AGAP1: variants seen among roughly 807,000 people sequenced by gnomAD.
AGAP1 encodes the protein arf-GAP with GTPase, ANK repeat and PH domain-containing protein 1.
AGAP1 carries 29 observed loss-of-function variants against 105.3 expected under a neutral mutation model. The ratio of observed to expected loss-of-function variants is 0.28; its 90% CI spans 0.21 to 0.38. The LOEUF (loss-of-function observed/expected upper bound fraction) is 0.38. Ranked by LOEUF, AGAP1 falls within the 10% of genes least tolerant of loss-of-function variation. AGAP1 has a pLI of 1.00. For missense variants in AGAP1, 998 were observed against 1,165.1 expected, an observed-to-expected ratio of 0.86 and a Z score of 2.09; for synonymous variants, 509 against 485.9, an observed-to-expected ratio of 1.05 and a Z score of -0.63.
intron 1 of AGAP1, among the ~76,000 whole-genome samples, chr2:235,654,671 C>T (rs1428963872): frequency 6.6e-6 from 1 of 152,122 alleles, no homozygotes; most frequent in Non-Finnish European, 1.5e-5. Context: ...GTGGTCCCCC[C>T]GGCCACTTCT....
rs1354571476 is a variant in AGAP1, at chr2:235,720,504, A to T, written c.310+2860A>T. 1.3e-5 allele frequency among the ~76,000 whole-genome samples: 2 copies of T among 151,852 alleles called. No individual in the cohort carries two copies. The highest frequency in any genetic ancestry group is 2.9e-5 in the Non-Finnish European group (2 of 67,974). On this transcript the variant is annotated intron_variant, in intron 3 of 17. Coordinates refer to ENST00000304032, the MANE Select transcript of AGAP1 (RefSeq NM_001037131.3). The surrounding 1 kb of genome is among the most constrained non-coding windows in gnomAD (Gnocchi z 5.0). ...GGTTGGCGCCCGGTTGAGGGATTGG[A>T]TTTTGAGTGAGCTCTGTGGCCTTCC...
intron 6 of AGAP1, among the ~76,000 whole-genome samples, chr2:235,757,479 G>C (rs1326088248): frequency 6.6e-6 from 1 of 152,162 alleles, no homozygotes; most frequent in Non-Finnish European, 1.5e-5. Context: ...CTGGTGGATG[G>C]GTGTTTATCT....
rs192426107 is a variant in AGAP1 at position 235,849,707 on chromosome 2, G to A, written c.1051-33638G>A. Among the ~76,000 whole-genome samples the A allele has an allele frequency of 1.4e-4, 22 of 152,216 alleles. No individual in the cohort carries two copies. In the East Asian group the frequency reaches 3.5e-3, roughly 24 times the overall value. Reference sequence around the variant, plus strand: ...AGTGTCCAGCCTCACCCAGCCCCTCGCCTGGCCCTTCTCCCTTCCTCATGG... The same window carrying A: ...AGTGTCCAGCCTCACCCAGCCCCTCACCTGGCCCTTCTCCCTTCCTCATGG... On this transcript the variant is annotated intron_variant, in intron 9 of 17. Transcript: ENST00000304032.
chr2:235,510,688 A>G (rs977754835), intron 1 of AGAP1, among the ~76,000 whole-genome samples: 23 of 152,166 alleles, frequency 1.5e-4, no homozygotes, highest in Non-Finnish European at 3.1e-4. Flanking sequence ...TTTGGGCTTA[A>G]GTTCAGCAGG....
chr2:235,667,698 C>T (rs940070600), intron 1 of AGAP1, among the ~76,000 whole-genome samples: 3 of 152,246 alleles, frequency 2.0e-5, no homozygotes, highest in African/African-American at 7.2e-5. Flanking sequence ...TGGTGGCTCA[C>T]GCCTGTAATC....
rs1559256017 is a variant in AGAP1 at position 236,080,567 on chromosome 2, C to T, written c.2114+31286C>T. ...GTATCTTGTACACGTTTCATCCATC[C>T]AGCTTTTAGCCTCTCAATCCTTCTC... On this transcript the variant is annotated intron_variant, in intron 16 of 17. Coordinates refer to ENST00000304032, the MANE Select transcript of AGAP1 (RefSeq NM_001037131.3). This position sits in a 1 kb window ranked among gnomAD's most constrained non-coding sequence, Gnocchi z 4.2. Among the ~76,000 whole-genome samples, 1 of 152,338 alleles carries T rather than the reference C, an allele frequency of 6.6e-6. No homozygotes were observed. The highest frequency in any genetic ancestry group is 1.9e-4 in the East Asian group (1 of 5,190).
chr2:235,844,020 G>A (rs758897546), intron 9 of AGAP1, among the ~76,000 whole-genome samples: 1 of 152,128 alleles, frequency 6.6e-6, no homozygotes, highest in Non-Finnish European at 1.5e-5. Context: ...GAATCTGGCA[G>A]GAGTCCCCAA....
intron 9 of AGAP1, among the ~76,000 whole-genome samples, chr2:235,811,361 C>T (rs2150112469): frequency 6.6e-6 from 1 of 152,316 alleles, no homozygotes; most frequent in East Asian, 1.9e-4. Context: ...GAAAATCATG[C>T]TCAGTTTATC....
At chr2:235,593,544 C>G (rs1408052686) in intron 1 of AGAP1, among the ~76,000 whole-genome samples, 2 of 152,082 alleles carry the variant, frequency 1.3e-5, no homozygotes, top group Non-Finnish European at 2.9e-5. Flanking sequence ...ACAAATGATG[C>G]CTGCCAACTC....
intron 12 of AGAP1, among the ~76,000 whole-genome samples, chr2:235,937,394 T>G (rs2053043552): frequency 6.6e-6 from 1 of 152,326 alleles, no homozygotes; most frequent in South Asian, 2.1e-4. Flanking sequence ...CCAATCAGAA[T>G]GTTGTAACTT....
In AGAP1 at chr2:235,888,358, G is replaced by A. The variant is rs887606733; in HGVS notation, c.1155+4909G>A. Among the ~76,000 whole-genome samples the A allele has an allele frequency of 1.3e-5, 2 of 152,220 alleles. No homozygotes were observed. The highest frequency in any genetic ancestry group is 1.3e-4 in the Admixed American group (2 of 15,290). The stretch of plus-strand genomic sequence containing the variant: ...TAGCTGATGTCAGAGGATTGCCTGT[G>A]TGGGATAGGAGGGTCTAGAAGGCTC... On this transcript the variant is annotated intron_variant, in intron 10 of 17. Coordinates refer to ENST00000304032, the MANE Select transcript of AGAP1 (RefSeq NM_001037131.3). The surrounding 1 kb of genome is among the most constrained non-coding windows in gnomAD (Gnocchi z 4.8).
Position 235,971,163 on chromosome 2 carries a change from A to G in AGAP1, c.1645+2540A>G, listed in dbSNP as rs970549708. Among the ~76,000 whole-genome samples, 1 of 152,220 alleles carries G rather than the reference A, an allele frequency of 6.6e-6. No individual in the cohort carries two copies. Among genetic ancestry groups the G allele is most frequent in the Admixed American group, 6.5e-5 (1 of 15,288 alleles). On this transcript the variant is annotated intron_variant, in intron 13 of 17. Transcript: ENST00000304032. The surrounding 1 kb of genome is among the most constrained non-coding windows in gnomAD (Gnocchi z 4.8). Reference sequence around the variant, plus strand: ...ACATCTTTCCAATAGCAAATAAGTCATAAGTTATTTATAAAAAGAAAATGT... The same window carrying G: ...ACATCTTTCCAATAGCAAATAAGTCGTAAGTTATTTATAAAAAGAAAATGT...
At chr2:235,770,108 C>T (rs3108497) in intron 6 of AGAP1, among the ~76,000 whole-genome samples, 33,093 of 142,146 alleles carry the variant, frequency 0.23, 4,707 homozygotes, top group Admixed American at 0.37. Flanking sequence ...TATATATACA[C>T]ACACATTTTT....
chr2:235,497,944 G>T (rs917637993), intron 1 of AGAP1, among the ~76,000 whole-genome samples: 2 of 152,128 alleles, frequency 1.3e-5, no homozygotes, highest in Non-Finnish European at 2.9e-5. Flanking sequence ...GGTTTCTCTT[G>T]TTGGCACAAA....
chr2:235,694,437 C>T (rs1559360630), intron 1 of AGAP1, among the ~76,000 whole-genome samples: 1 of 149,524 alleles, frequency 6.7e-6, no homozygotes. Flanking sequence ...CGAGATCGCA[C>T]CACTGCACTC....
At position 235,625,245 on chromosome 2, in the gene AGAP1, T is replaced by A. The variant is rs909770702; in HGVS notation, c.164-83934T>A. Among the ~76,000 whole-genome samples the A allele has an allele frequency of 1.3e-5, 2 of 152,176 alleles. No homozygotes were observed. Among genetic ancestry groups the A allele is most frequent in the Non-Finnish European group, 2.9e-5 (2 of 68,038 alleles). ...CAGTCCCCTCTGCACATGCCTGAACTGCTTCAGGGCACCCTACAGGTCACT... is the reference window on the plus strand; with the variant it reads ...CAGTCCCCTCTGCACATGCCTGAACAGCTTCAGGGCACCCTACAGGTCACT... On this transcript the variant is annotated intron_variant, in intron 1 of 17. Transcript: ENST00000304032. The surrounding 1 kb of genome is among the most constrained non-coding windows in gnomAD (Gnocchi z 4.0).
intron 1 of AGAP1, among the ~76,000 whole-genome samples, chr2:235,687,821 T>C (rs2149428546): frequency 6.6e-6 from 1 of 151,602 alleles, no homozygotes; most frequent in Admixed American, 6.6e-5. Flanking sequence ...GATTCAGCGC[T>C]CTTTGGTAGA....
Position 235,855,947 on chromosome 2 carries a change from T to A in AGAP1, c.1051-27398T>A, listed in dbSNP as rs950478424. On this transcript the variant is annotated intron_variant, in intron 9 of 17. Coordinates refer to ENST00000304032, the MANE Select transcript of AGAP1 (RefSeq NM_001037131.3). This position sits in a 1 kb window ranked among gnomAD's most constrained non-coding sequence, Gnocchi z 5.0. ...ATTTTCTTTTGAGATGGAGTCTCGC[T>A]CTGTCACCCAGGCTGGAGTGCAATG... is the stretch of plus-strand genomic sequence containing the variant. 4.6e-5 allele frequency among the ~76,000 whole-genome samples: 7 copies of A among 152,112 alleles called. No individual in the cohort carries two copies. Among genetic ancestry groups the A allele is most frequent in the African/African-American group, 1.7e-4 (7 of 41,410 alleles).
Position 236,044,320 on chromosome 2 carries a change from C to G in AGAP1, c.1891+3479C>G, listed in dbSNP as rs2057650796. Among the ~76,000 whole-genome samples, 1 of 152,142 alleles carries G rather than the reference C, an allele frequency of 6.6e-6. No individual in the cohort carries two copies. Among genetic ancestry groups the G allele is most frequent in the South Asian group, 2.1e-4 (1 of 4,828 alleles). ...CCAGGAACATGCCAAGGAAAGTCCA[C>G]ACCTGAGGGCCCCTGAGAATCCTAG... On this transcript the variant is annotated intron_variant, in intron 15 of 17. Transcript: ENST00000304032. The surrounding 1 kb of genome is among the most constrained non-coding windows in gnomAD (Gnocchi z 5.7).
Sources: gnomAD v4.1 joint callset for allele counts (sites outside exome capture counted in the v4.1 genomes callset) on GRCh38, gnomAD v4.1.1 for gene constraint, Gnocchi (gnomAD v3.1) non-coding constraint, MANE v1.5 for transcripts, NCBI Gene and HGNC (gene_info 2026-07-23, HGNC 2026-07-21) for gene names.